The following HRH2 variants were observed in gnomAD, a reference collection of about 807,000 sequenced individuals.
HRH2 encodes the protein histamine H2 receptor.
HRH2 carries 4 observed loss-of-function variants against 20.1 expected under a neutral mutation model. The observed-to-expected ratio is 0.20, with a 90% CI of 0.10 to 0.45. The LOEUF (loss-of-function observed/expected upper bound fraction) is 0.45, where lower values mean the gene tolerates loss of function less well. HRH2 is among the 20% of genes least tolerant of loss of function. The pLI, the probability that HRH2 is intolerant of heterozygous loss-of-function variation, is 0.99. For missense variants in HRH2, 250 were observed against 461.6 expected, an observed-to-expected ratio of 0.54 and a Z score of 4.20; for synonymous variants, 197 against 200.7, an observed-to-expected ratio of 0.98 and a Z score of 0.16.
intron 2 of HRH2, among the ~76,000 whole-genome samples, chr5:175,697,094 G>T (rs1252135172): frequency 2.6e-5 from 4 of 152,140 alleles, no homozygotes; most frequent in African/African-American, 9.7e-5. Context: ...TGGGGGTGAG[G>T]GGTCCCAGGC....
intron 1 of HRH2, among the ~76,000 whole-genome samples, chr5:175,680,938 G>A (rs1041368453): frequency 5.9e-5 from 9 of 152,128 alleles, no homozygotes; most frequent in African/African-American, 2.2e-4. Context: ...ACTGAGGAAG[G>A]GAAGGAGGGG....
intron 2 of HRH2, among the ~76,000 whole-genome samples, chr5:175,684,591 C>T (rs1756103039): frequency 2.0e-5 from 3 of 152,234 alleles, no homozygotes; most frequent in Admixed American, 2.0e-4. Flanking sequence ...CTCGCAAGCC[C>T]TTTTTCCCAG....
rs1756998464 is a variant in HRH2 at position 175,707,955 on chromosome 5, CCT to C, written c.1256_1257del (p.Ser419Ter). 2.5e-6 allele frequency: 1 copy of C among 398,940 alleles called. No homozygotes were observed. Among genetic ancestry groups the C allele is most frequent in the Admixed American group, 4.4e-5 (1 of 22,704 alleles). The allele number at this position is 398,940 out of a possible 1,614,324, so 24.7% of individuals were successfully genotyped here. The stretch of plus-strand genomic sequence containing the variant: ...CCCCAGAAAGCGGTGAGGACGCTGC[CCT>C]CTGAGGCTGTCTAGACCTAGCCCCA... On this transcript the variant is annotated frameshift_variant, in exon 3 of 3. Coordinates refer to ENST00000636584, the MANE Select transcript of HRH2 (RefSeq NM_001367711.1). LOFTEE classifies it high-confidence loss of function.
intron 2 of HRH2, chr5:175,704,127 A>G (rs906801484): frequency 2.0e-5 from 3 of 152,164 alleles, no homozygotes; most frequent in Admixed American, 6.5e-5. Context: ...AGGAGAGAAA[A>G]AGAGAGAAAC....
rs2113538640 is a variant in HRH2, at chr5:175,693,193, C to T, written c.1076+8884C>T. On this transcript the variant is annotated intron_variant, in intron 2 of 2. Transcript: ENST00000636584. The surrounding 1 kb of genome is among the most constrained non-coding windows in gnomAD (Gnocchi z 4.4). The stretch of plus-strand genomic sequence containing the variant: ...CAGCAGTGGTGAGTCACAGGGCTCC[C>T]TGTTTTGGGGGCTTCATTACGCTCG... 6.6e-6 allele frequency among the ~76,000 whole-genome samples: 1 copy of T among 152,338 alleles called. No individual in the cohort carries two copies. The highest frequency in any genetic ancestry group is 2.4e-5 in the African/African-American group (1 of 41,578).
rs565310262 is a variant in HRH2 at position 175,667,866 on chromosome 5, T to C, written c.-526+9711T>C. Among the ~76,000 whole-genome samples, 7 of 152,306 alleles carry C rather than the reference T, an allele frequency of 4.6e-5. No individual in the cohort carries two copies. In the East Asian group the frequency reaches 7.7e-4, roughly 17 times the overall value. On this transcript the variant is annotated intron_variant, in intron 1 of 2. Coordinates refer to ENST00000636584, the MANE Select transcript of HRH2 (RefSeq NM_001367711.1). ...TATTTCTAATTGGGCAGAGTGAGCA[T>C]CCCTAGAAAGTGGGCCACCTACTTG...
chr5:175,686,945 C>T lies in HRH2; in HGVS notation c.1076+2636C>T, dbSNP rs959759373. 6.6e-6 allele frequency among the ~76,000 whole-genome samples: 1 copy of T among 152,248 alleles called. No individual in the cohort carries two copies. Among genetic ancestry groups the T allele is most frequent in the Non-Finnish European group, 1.5e-5 (1 of 68,046 alleles). Reference sequence around the variant, plus strand: ...GCTGCAGGGTATGAGTGTCCATCTCCTGCTCTGATCCTCGTGGGCACCCTG... The same window carrying T: ...GCTGCAGGGTATGAGTGTCCATCTCTTGCTCTGATCCTCGTGGGCACCCTG... On this transcript the variant is annotated intron_variant, in intron 2 of 2. Transcript: ENST00000636584. This position sits in a 1 kb window ranked among gnomAD's most constrained non-coding sequence, Gnocchi z 4.7.
intron 2 of HRH2, chr5:175,685,376 C>T: frequency 6.5e-7 from 1 of 1,538,248 alleles, no homozygotes; most frequent in Non-Finnish European, 8.8e-7. Flanking sequence ...AGAAGTTGCT[C>T]AATAAATGTT....
rs926884628 is a variant in HRH2 at position 175,693,257 on chromosome 5, G to A, written c.1076+8948G>A. On this transcript the variant is annotated intron_variant, in intron 2 of 2. Transcript: ENST00000636584. This position sits in a 1 kb window ranked among gnomAD's most constrained non-coding sequence, Gnocchi z 4.4. ...TGGCAGAGCATTCAGAGGGTGGAAG[G>A]GGGTGTGCCTGCATTGCAGGGTGTG... Among the ~76,000 whole-genome samples, 1 of 152,180 alleles carries A rather than the reference G, an allele frequency of 6.6e-6. No homozygotes were observed. Among genetic ancestry groups the A allele is most frequent in the Non-Finnish European group, 1.5e-5 (1 of 68,016 alleles).
chr5:175,680,492 G>C (rs561028854), intron 1 of HRH2, among the ~76,000 whole-genome samples: 1 of 152,226 alleles, frequency 6.6e-6, no homozygotes, highest in Non-Finnish European at 1.5e-5. Context: ...ACACCTCAGG[G>C]ATATTTGGCT....
Position 175,683,815 on chromosome 5 carries a change from G to T in HRH2, c.582G>T (p.Pro194=). 6.2e-7 allele frequency: 1 copy of T among 1,614,054 alleles called. No individual in the cohort carries two copies. The highest frequency in any genetic ancestry group is 1.1e-5 in the South Asian group (1 of 91,076). ...LVDGLVTFYL[P]LLIMCITYYR... ...ATGGGCTGGTCACCTTCTACCTCCC[G>T]CTACTGATCATGTGCATCACCTACT... is the stretch of plus-strand genomic sequence containing the variant. Residue 194 remains proline, a synonymous_variant, in exon 2 of 3, where the codon CCG becomes CCT. Coordinates refer to ENST00000636584, the MANE Select transcript of HRH2 (RefSeq NM_001367711.1).
chr5:175,685,315 T>A, intron 2 of HRH2: 1 of 1,218,434 alleles, frequency 8.2e-7, no homozygotes, highest in Non-Finnish European at 1.2e-6. Context: ...GTCTGGGCTT[T>A]AGCTGCTGAA....
chr5:175,683,091 C>CAAAAAAAAA lies in HRH2; in HGVS notation c.-130_-122dup, dbSNP rs35616765. On this transcript the variant is annotated 5_prime_UTR_variant, in exon 2 of 3. Coordinates refer to ENST00000636584, the MANE Select transcript of HRH2 (RefSeq NM_001367711.1). ...ATTGAAGCCTTCCCCACCCCCTGGCCAAAAAAAAAAAAAAAAAAAAACTGG... is the reference window on the plus strand; with the variant it reads ...ATTGAAGCCTTCCCCACCCCCTGGCCAAAAAAAAAAAAAAAAAAAAAAAAAAAAAACTGG... 50 of 583,840 alleles carry CAAAAAAAAA rather than the reference C, an allele frequency of 8.6e-5. No homozygotes were observed. The highest frequency in any genetic ancestry group is 5.2e-4 in the Middle Eastern group (1 of 1,920). 36.2% of individuals were successfully genotyped at this position (583,840 alleles called of 1,614,324 possible). A position where few individuals can be genotyped will look rare whatever the true frequency, so the allele number is the denominator to read the frequency against.
intron 1 of HRH2, among the ~76,000 whole-genome samples, chr5:175,659,825 A>C (rs918978163): frequency 6.6e-6 from 1 of 152,204 alleles, no homozygotes; most frequent in African/African-American, 2.4e-5. Flanking sequence ...AGTGAGCCTG[A>C]AGCCTGGCAG....
At chr5:175,697,943 C>G (rs1035575111) in intron 2 of HRH2, among the ~76,000 whole-genome samples, 3 of 152,210 alleles carry the variant, frequency 2.0e-5, no homozygotes, top group East Asian at 1.9e-4. Flanking sequence ...CAAATGCCAC[C>G]TGCTCCATGG....
At chr5:175,700,421 G>C (rs1254761672) in intron 2 of HRH2, among the ~76,000 whole-genome samples, 3 of 152,206 alleles carry the variant, frequency 2.0e-5, no homozygotes, top group African/African-American at 7.2e-5. Flanking sequence ...AAGATCCAAT[G>C]CCTGCCTTTA....
At chr5:175,669,009 G>A (rs924754604) in intron 1 of HRH2, among the ~76,000 whole-genome samples, 2 of 152,180 alleles carry the variant, frequency 1.3e-5, no homozygotes, top group Admixed American at 6.5e-5. Context: ...GTGAGATGGG[G>A]TCTCCTCCAG....
At chr5:175,675,016 GC>G (rs1441528228) in intron 1 of HRH2, among the ~76,000 whole-genome samples, 1 of 152,216 alleles carries the variant, frequency 6.6e-6, no homozygotes, top group African/African-American at 2.4e-5. Context: ...ATATGTGGAG[GC>G]CGAGAACAGG....
At chr5:175,663,422 C>A (rs962077385) in intron 1 of HRH2, among the ~76,000 whole-genome samples, 2 of 152,180 alleles carry the variant, frequency 1.3e-5, no homozygotes, top group Non-Finnish European at 2.9e-5. Context: ...TTTGAGCATC[C>A]TTCAGTGTGC....
Sources: allele counts gnomAD v4.1 joint callset (sites outside exome capture counted in the v4.1 genomes callset), GRCh38; gene constraint gnomAD v4.1.1; non-coding constraint Gnocchi (gnomAD v3.1); transcripts MANE v1.5; gene names NCBI Gene and HGNC (gene_info 2026-07-23, HGNC 2026-07-21).